AFF2: variants seen among roughly 807,000 people sequenced by gnomAD.
AFF2 encodes ALF transcription elongation factor 2.
In AFF2, 14 loss-of-function variants were observed where a neutral mutation model predicts 76.9. The observed-to-expected ratio is 0.18, with a 90% confidence interval of 0.12 to 0.28. The LOEUF (loss-of-function observed/expected upper bound fraction) is 0.28. Ranked by LOEUF, AFF2 falls within the 10% of genes least tolerant of loss-of-function variation. The pLI, the probability that AFF2 is intolerant of heterozygous loss-of-function variation, is 1.00. For missense variants in AFF2, 868 were observed against 1,001.1 expected (o/e 0.87, Z 1.79); for synonymous variants, 398 against 366.7 (o/e 1.09, Z -0.98).
At chrX:148,574,943 GGTGTGTGTGTGTGTGTGTGTGT>G (rs781819721) in intron 1 of AFF2, among the ~76,000 whole-genome samples, 1 of 95,668 alleles carries the variant, frequency 1.0e-5, no homozygotes. Flanking sequence ...ATAGTGCTGG[GGTGTGTGTGTGTGTGTGTGTGT>G]GTGTGTGTGT....
chrX:148,936,964 T>G (rs183639585), intron 9 of AFF2, among the ~76,000 whole-genome samples: 1 of 112,271 alleles, frequency 8.9e-6, no homozygotes, highest in Admixed American at 9.4e-5. Context: ...TATGTGACAT[T>G]ACTCAGAGGC....
intron 3 of AFF2, among the ~76,000 whole-genome samples, chrX:148,676,185 A>G (rs1414620626): frequency 9.4e-6 from 1 of 106,414 alleles, no homozygotes; most frequent in Admixed American, 1.0e-4. Flanking sequence ...TCAGCCTCCC[A>G]AGTAGCTGGG....
chrX:148,886,267 A>G (rs1226612211), intron 8 of AFF2, among the ~76,000 whole-genome samples: 1 of 111,308 alleles, frequency 9.0e-6, no homozygotes, highest in Non-Finnish European at 1.9e-5. Context: ...GTGGTAAGCA[A>G]TAGAGATTGT....
intron 16 of AFF2, among the ~76,000 whole-genome samples, chrX:148,975,803 G>A (rs1603351828): frequency 1.0e-5 from 1 of 99,823 alleles, no homozygotes; most frequent in Non-Finnish European, 2.1e-5. Flanking sequence ...AATTAGCCGG[G>A]CGTAGTGGCG....
intron 1 of AFF2, among the ~76,000 whole-genome samples, chrX:148,535,216 A>C (rs2052770915): frequency 8.9e-6 from 1 of 112,189 alleles, no homozygotes; most frequent in Admixed American, 9.5e-5. Context: ...TGATGTGATT[A>C]TTATGATTAT....
intron 1 of AFF2, among the ~76,000 whole-genome samples, chrX:148,577,982 G>T (rs1027810347): frequency 1.3e-4 from 15 of 112,153 alleles, no homozygotes; most frequent in Non-Finnish European, 1.1e-4. Context: ...GATTCTTTTT[G>T]GAATTACCAG....
intron 3 of AFF2, among the ~76,000 whole-genome samples, chrX:148,736,548 T>A: frequency 9.0e-6 from 1 of 111,563 alleles, no homozygotes; most frequent in East Asian, 2.8e-4. Flanking sequence ...GTGAAGATTT[T>A]CTCCCACTCT....
intron 13 of AFF2, among the ~76,000 whole-genome samples, chrX:148,965,669 T>A (rs2072163363): frequency 8.9e-6 from 1 of 112,350 alleles, no homozygotes; most frequent in African/African-American, 3.2e-5. Context: ...GAGGCGCTAA[T>A]GGCCATGTTG....
intron 16 of AFF2, among the ~76,000 whole-genome samples, chrX:148,976,536 T>C (rs1391538132): frequency 1.8e-5 from 2 of 112,370 alleles, no homozygotes; most frequent in African/African-American, 6.5e-5. Flanking sequence ...ACTTAAGCAA[T>C]TGAAACTCCA....
chrX:148,881,691 G>T (rs1557278512), intron 7 of AFF2, among the ~76,000 whole-genome samples: 1 of 110,994 alleles, frequency 9.0e-6, no homozygotes, highest in African/African-American at 3.3e-5. Context: ...TGATTCCTCT[G>T]CCAGCCTCTA....
intron 3 of AFF2, among the ~76,000 whole-genome samples, chrX:148,736,717 A>G (rs1318535448): frequency 1.8e-5 from 2 of 111,825 alleles, no homozygotes; most frequent in Non-Finnish European, 3.8e-5. Context: ...GGTTTTTCCA[A>G]TGTTATCTTC....
At chrX:148,666,089 G>A (rs901684896) in intron 3 of AFF2, among the ~76,000 whole-genome samples, 10 of 111,889 alleles carry the variant, frequency 8.9e-5, no homozygotes, top group African/African-American at 3.3e-4. Flanking sequence ...GAAATGTGAT[G>A]TGCAAGTGTG....
intron 1 of AFF2, among the ~76,000 whole-genome samples, chrX:148,538,165 G>A (rs1557236887): frequency 8.9e-6 from 1 of 112,773 alleles, no homozygotes; most frequent in East Asian, 2.8e-4. Context: ...TCTTGTAACT[G>A]TTTATTAAGG....
intron 3 of AFF2, among the ~76,000 whole-genome samples, chrX:148,767,289 A>G (rs782696943): frequency 1.4e-3 from 153 of 111,615 alleles, no homozygotes; most frequent in Non-Finnish European, 2.3e-3. Flanking sequence ...ATTAAAAGGT[A>G]GTTGTAAAAG....
chrX:148,670,870 C>T (rs190882242), intron 3 of AFF2, among the ~76,000 whole-genome samples: 12 of 111,948 alleles, frequency 1.1e-4, no homozygotes, highest in African/African-American at 3.2e-4. Context: ...CCTTGTCCTC[C>T]GCTCACCCCC....
At chrX:148,681,284 G>A (rs2054543630) in intron 3 of AFF2, among the ~76,000 whole-genome samples, 2 of 111,738 alleles carry the variant, frequency 1.8e-5, no homozygotes, top group African/African-American at 6.5e-5. Context: ...CCTTGGGGCT[G>A]CTTATGTTTT....
chrX:148,878,372 T>C (rs1370656267), intron 7 of AFF2, among the ~76,000 whole-genome samples: 2 of 111,919 alleles, frequency 1.8e-5, no homozygotes, highest in Non-Finnish European at 3.8e-5. Context: ...TCCACTATTT[T>C]TACTGTCTGT....
At chrX:148,748,793 C>T (rs965079728) in intron 3 of AFF2, among the ~76,000 whole-genome samples, 2 of 111,370 alleles carry the variant, frequency 1.8e-5, no homozygotes, top group Admixed American at 9.5e-5. Flanking sequence ...ATAGTGGGGA[C>T]GGGGATGGAA....
chrX:148,773,471 G>A (rs1355487879), intron 3 of AFF2, among the ~76,000 whole-genome samples: 1 of 109,948 alleles, frequency 9.1e-6, no homozygotes, highest in Non-Finnish European at 1.9e-5. Flanking sequence ...GAGGGCCAGG[G>A]CAATTTAACA....
Sources: allele counts gnomAD v4.1 joint callset (sites outside exome capture counted in the v4.1 genomes callset), GRCh38; gene constraint gnomAD v4.1.1; transcripts MANE v1.5; gene names NCBI Gene and HGNC (gene_info 2026-07-23, HGNC 2026-07-21).